Variants in DLG2 observed in about 807,000 individuals in gnomAD.
DLG2 encodes the protein discs large MAGUK scaffold protein 2.
Under a neutral mutation model 132.5 loss-of-function variants are expected in DLG2, and 45 were observed. The ratio of observed to expected loss-of-function variants is 0.34; its 90% CI spans 0.27 to 0.44. DLG2 has a LOEUF of 0.44. Among genes scored for constraint, DLG2 ranks in the 20% least tolerant of loss-of-function variants. The probability of loss-of-function intolerance (pLI) is 1.00; values close to 1 mark genes in which losing one functional copy is unlikely to be tolerated. For synonymous variants in DLG2, 424 were observed against 419.6 expected (o/e 1.01, Z -0.13); for missense variants, 1,045 against 1,196.9 (o/e 0.87, Z 1.87).
At chr11:83,814,877 TC>T (rs756409889) in intron 17 of DLG2, 4 of 235,356 alleles carry the variant, frequency 1.7e-5, no homozygotes, top group Non-Finnish European at 2.8e-5. Context: ...CCCCATGCTC[TC>T]CAAAGATCCA....
intron 21 of DLG2, among the ~76,000 whole-genome samples, chr11:83,529,835 A>G (rs1057482118): frequency 1.3e-5 from 2 of 152,136 alleles, no homozygotes; most frequent in African/African-American, 2.4e-5. Flanking sequence ...CCTTTCTTTC[A>G]ATAGCGAAGT....
intron 3 of DLG2, among the ~76,000 whole-genome samples, chr11:85,458,746 G>C (rs562464738): frequency 6.6e-6 from 1 of 152,316 alleles, no homozygotes; most frequent in African/African-American, 2.4e-5. Context: ...ACACATAGTG[G>C]CCTGTAGGCA....
intron 3 of DLG2, among the ~76,000 whole-genome samples, chr11:85,582,713 A>G (rs1236373725): frequency 2.9e-5 from 4 of 138,878 alleles, no homozygotes; most frequent in Admixed American, 2.3e-4. Flanking sequence ...AAACTCGTGC[A>G]GCAACTATTT....
intron 7 of DLG2, among the ~76,000 whole-genome samples, chr11:84,374,828 T>C (rs2098722686): frequency 6.6e-6 from 1 of 152,178 alleles, no homozygotes; most frequent in Admixed American, 6.6e-5. Flanking sequence ...CTTCTTCTCA[T>C]GACACTTAGT....
chr11:83,774,166 G>A (rs879675473), intron 18 of DLG2, among the ~76,000 whole-genome samples: 1 of 152,082 alleles, frequency 6.6e-6, no homozygotes, highest in Non-Finnish European at 1.5e-5. Context: ...TCCACACAGG[G>A]CGTTATCTCC....
chr11:84,471,731 G>A (rs920397265), intron 7 of DLG2, among the ~76,000 whole-genome samples: 1 of 151,368 alleles, frequency 6.6e-6, no homozygotes, highest in African/African-American at 2.4e-5. Flanking sequence ...TTTTTGTTCT[G>A]GTCTGTCCTC....
intron 18 of DLG2, among the ~76,000 whole-genome samples, chr11:83,708,186 T>C (rs2084507879): frequency 6.6e-6 from 1 of 152,204 alleles, no homozygotes; most frequent in Admixed American, 6.5e-5. Flanking sequence ...TTGAAGTTCC[T>C]AAACTAGATC....
chr11:83,661,136 G>A (rs908856730), intron 18 of DLG2, among the ~76,000 whole-genome samples: 30 of 152,130 alleles, frequency 2.0e-4, no homozygotes, highest in Non-Finnish European at 2.5e-4. Context: ...GTTAGTGGGA[G>A]ACAACCTTGT....
At chr11:84,917,893 A>G (rs141879253) in intron 6 of DLG2, among the ~76,000 whole-genome samples, 1 of 152,136 alleles carries the variant, frequency 6.6e-6, no homozygotes, top group Non-Finnish European at 1.5e-5. Context: ...AGGTATCCTA[A>G]AAGAGAGAGT....
intron 6 of DLG2, among the ~76,000 whole-genome samples, chr11:84,693,856 G>C (rs957743117): frequency 1.3e-5 from 2 of 151,574 alleles, no homozygotes; most frequent in African/African-American, 4.8e-5. Flanking sequence ...TACTCATCTG[G>C]AAAACTATAA....
rs116764871 is a variant in DLG2 at position 84,464,182 on chromosome 11, T to A, written c.519+70388A>T. ...CTGTGCTCTGTGCTCTGGGAGCATA[T>A]ATGAATATTACAAGATCCTAGTCTC... is the stretch of plus-strand genomic sequence containing the variant. On this transcript the variant is annotated intron_variant, in intron 7 of 27. Coordinates refer to ENST00000376104, the MANE Select transcript of DLG2 (RefSeq NM_001142699.3). 7.3e-3 allele frequency among the ~76,000 whole-genome samples: 1,102 copies of A among 151,252 alleles called. 20 individuals carry two copies. The highest frequency in any genetic ancestry group is 0.025 in the African/African-American group (1,029 of 41,390).
intron 7 of DLG2, among the ~76,000 whole-genome samples, chr11:84,381,519 T>C (rs1486366615): frequency 6.6e-6 from 1 of 152,202 alleles, no homozygotes; most frequent in Admixed American, 6.6e-5. Context: ...AAGTTGACTT[T>C]ATTTCAGAAT....
intron 19 of DLG2, among the ~76,000 whole-genome samples, chr11:83,598,032 T>G (rs1594176965): frequency 6.6e-6 from 1 of 152,256 alleles, no homozygotes; most frequent in South Asian, 2.1e-4. Flanking sequence ...AGTCATGGTC[T>G]GATGCTCCCT....
rs139082257 is a variant in DLG2 at position 84,851,759 on chromosome 11, T to C, written c.357+259902A>G. 3.2e-3 allele frequency among the ~76,000 whole-genome samples: 481 copies of C among 152,004 alleles called. 3 individuals are homozygous for C. The highest frequency in any genetic ancestry group is 5.1e-3 in the Non-Finnish European group (349 of 67,940). ...TTAAATACAGAGATAATATGTTTCT[T>C]AGAGTCATTAACAGACAAGGTTTCT... On this transcript the variant is annotated intron_variant, in intron 6 of 27. Coordinates refer to ENST00000376104, the MANE Select transcript of DLG2 (RefSeq NM_001142699.3).
chr11:83,943,995 C>A (rs2083255455), intron 14 of DLG2, among the ~76,000 whole-genome samples: 1 of 152,228 alleles, frequency 6.6e-6, no homozygotes, highest in South Asian at 2.1e-4. Context: ...AAATCACCTG[C>A]CATATGGTAC....
intron 5 of DLG2, among the ~76,000 whole-genome samples, chr11:85,149,422 A>G (rs1296791158): frequency 6.6e-6 from 1 of 152,080 alleles, no homozygotes; most frequent in Non-Finnish European, 1.5e-5. Context: ...TTATTTCAGT[A>G]TGGTGAATAT....
intron 11 of DLG2, among the ~76,000 whole-genome samples, chr11:84,016,546 C>T (rs11233878): frequency 0.081 from 12,338 of 152,028 alleles, 581 homozygotes; most frequent in South Asian, 0.12. Context: ...AGGAAGGGGT[C>T]CAGTTTCAAT....
chr11:83,770,629 A>T (rs1187041707), intron 18 of DLG2, among the ~76,000 whole-genome samples: 1 of 152,166 alleles, frequency 6.6e-6, no homozygotes, highest in East Asian at 1.9e-4. Flanking sequence ...TTTTTCTTCT[A>T]AAGACCAGCT....
chr11:85,520,550 C>A (rs1245707923), intron 3 of DLG2, among the ~76,000 whole-genome samples: 2 of 137,428 alleles, frequency 1.5e-5, no homozygotes, highest in Non-Finnish European at 3.2e-5. Context: ...CAAAGAATAA[C>A]CAATGCTACC....
Sources: gnomAD v4.1 joint callset for allele counts (sites outside exome capture counted in the v4.1 genomes callset) on GRCh38, gnomAD v4.1.1 for gene constraint, MANE v1.5 for transcripts, NCBI Gene and HGNC (gene_info 2026-07-23, HGNC 2026-07-21) for gene names.